The following SLC2A13 variants were observed in gnomAD, a reference collection of about 807,000 sequenced individuals.
The protein encoded by SLC2A13 is proton myo-inositol cotransporter.
Under a neutral mutation model 64.4 loss-of-function variants are expected in SLC2A13, and 32 were observed. The ratio of observed to expected loss-of-function variants is 0.50; its 90% CI spans 0.37 to 0.67. SLC2A13 has a LOEUF of 0.67. SLC2A13 is among the 30% of genes least tolerant of loss of function. The probability of loss-of-function intolerance (pLI) is 0.00; values close to 1 mark genes in which losing one functional copy is unlikely to be tolerated. For synonymous variants in SLC2A13, 338 were observed against 327.1 expected (o/e 1.03, Z -0.36); for missense variants, 743 against 829.2 (o/e 0.90, Z 1.28).
At chr12:39,869,003 G>A (rs6581403) in intron 5 of SLC2A13, among the ~76,000 whole-genome samples, 103,541 of 152,020 alleles carry the variant, frequency 0.68, 35,712 homozygotes, top group African/African-American at 0.77. Context: ...ATAAATCATA[G>A]TAAGAACACA....
At chr12:39,942,724 T>C (rs928136168) in intron 4 of SLC2A13, among the ~76,000 whole-genome samples, 2 of 152,060 alleles carry the variant, frequency 1.3e-5, no homozygotes, top group Admixed American at 6.6e-5. Context: ...CTCGGAGGAG[T>C]TTGTTATTAT....
At position 39,777,019 on chromosome 12, in the gene SLC2A13, T is replaced by C. The variant is rs189766538; in HGVS notation, c.1446-12161A>G. 1.1e-4 allele frequency among the ~76,000 whole-genome samples: 16 copies of C among 152,336 alleles called. No individual in the cohort carries two copies. In the East Asian group the frequency reaches 1.3e-3, roughly 13 times the overall value. On this transcript the variant is annotated intron_variant, in intron 7 of 9. Coordinates refer to ENST00000280871, the MANE Select transcript of SLC2A13 (RefSeq NM_052885.4). Reference sequence around the variant, plus strand: ...CATATAGTTGCTATGGGAGGTAATATATTAATACTTATTCCAACTATGCTG... The same window carrying C: ...CATATAGTTGCTATGGGAGGTAATACATTAATACTTATTCCAACTATGCTG...
chr12:39,862,995 A>T (rs1943801623), intron 6 of SLC2A13, among the ~76,000 whole-genome samples: 1 of 152,164 alleles, frequency 6.6e-6, no homozygotes, highest in Non-Finnish European at 1.5e-5. Context: ...TTACAAAATC[A>T]CTTAGACTAT....
intron 6 of SLC2A13, among the ~76,000 whole-genome samples, chr12:39,845,973 A>G (rs1399997336): frequency 6.6e-6 from 1 of 152,136 alleles, no homozygotes; most frequent in Non-Finnish European, 1.5e-5. Context: ...GATTGTACAG[A>G]TATACTCCAA....
At chr12:40,074,431 C>A (rs1938086788) in intron 1 of SLC2A13, among the ~76,000 whole-genome samples, 1 of 152,048 alleles carries the variant, frequency 6.6e-6, no homozygotes, top group Admixed American at 6.6e-5. Context: ...CCTCCCATAG[C>A]ATTGGGATTA....
intron 4 of SLC2A13, among the ~76,000 whole-genome samples, chr12:39,877,084 T>C (rs1328970913): frequency 6.6e-6 from 1 of 152,194 alleles, no homozygotes; most frequent in African/African-American, 2.4e-5. Flanking sequence ...AGAGGTTCTT[T>C]TAACTAAAAA....
At chr12:39,909,077 T>C (rs1397583034) in intron 4 of SLC2A13, among the ~76,000 whole-genome samples, 1 of 151,976 alleles carries the variant, frequency 6.6e-6, no homozygotes, top group Non-Finnish European at 1.5e-5. Flanking sequence ...TACAGTGACA[T>C]ATATGTATTT....
intron 1 of SLC2A13, among the ~76,000 whole-genome samples, chr12:40,085,320 A>T (rs1026976415): frequency 6.6e-6 from 1 of 152,114 alleles, no homozygotes; most frequent in Non-Finnish European, 1.5e-5. Context: ...TGTTGTAAAA[A>T]CTCCAACTTG....
chr12:40,005,067 C>A (rs978056293), intron 3 of SLC2A13, among the ~76,000 whole-genome samples: 5 of 152,092 alleles, frequency 3.3e-5, no homozygotes, highest in African/African-American at 1.2e-4. Context: ...TACTGCCTAA[C>A]CCTACCTTAT....
chr12:40,002,918 T>C (rs146044118), intron 3 of SLC2A13, among the ~76,000 whole-genome samples: 4 of 151,832 alleles, frequency 2.6e-5, no homozygotes, highest in African/African-American at 9.7e-5. Flanking sequence ...AGTGACATAA[T>C]GATATTTTGT....
rs1555144118 is a variant in SLC2A13, at chr12:39,968,760, G to GTT, written c.926-17396_926-17395insAA. On this transcript the variant is annotated intron_variant, in intron 3 of 9. Transcript: ENST00000280871. ...TTTTTATTTTTGTTGTTTTTTTTTG[G>GTT]TATATATATATATATATATATATAT... is the stretch of plus-strand genomic sequence containing the variant. Among the ~76,000 whole-genome samples, 582 of 59,710 alleles carry GTT rather than the reference G, an allele frequency of 9.7e-3. 33 individuals carry two copies. Among genetic ancestry groups the GTT allele is most frequent in the African/African-American group, 0.012 (269 of 22,990 alleles). The allele number at this position is 59,710 out of a possible 152,430, so 39.2% of individuals were successfully genotyped here. A position where few individuals can be genotyped will look rare whatever the true frequency, so the allele number is the denominator to read the frequency against.
intron 4 of SLC2A13, among the ~76,000 whole-genome samples, chr12:39,926,366 G>A (rs1045484159): frequency 5.3e-5 from 8 of 152,110 alleles, no homozygotes; most frequent in Admixed American, 5.2e-4. Context: ...GTTATCATAT[G>A]TGCCTTCAAG....
chr12:40,030,298 T>TA (rs1255378155), intron 2 of SLC2A13, among the ~76,000 whole-genome samples: 2 of 152,212 alleles, frequency 1.3e-5, no homozygotes, highest in African/African-American at 4.8e-5. Flanking sequence ...CAAAAATATG[T>TA]ACTTCTGGCC....
Position 39,999,907 on chromosome 12 carries a change from C to T in SLC2A13, c.925+28394G>A, listed in dbSNP as rs28365677. Among the ~76,000 whole-genome samples, 329 of 152,332 alleles carry T rather than the reference C, an allele frequency of 2.2e-3. 8 individuals carry two copies. The East Asian group carries it at 0.037, about 17-fold the overall frequency. Reference sequence around the variant, plus strand: ...GGCTTTAAGGCTCAGGTGGGCATCACGGTCCTACCAATATGTGATGTCACC... The same window carrying T: ...GGCTTTAAGGCTCAGGTGGGCATCATGGTCCTACCAATATGTGATGTCACC... On this transcript the variant is annotated intron_variant, in intron 3 of 9. Coordinates refer to ENST00000280871, the MANE Select transcript of SLC2A13 (RefSeq NM_052885.4).
intron 9 of SLC2A13, among the ~76,000 whole-genome samples, chr12:39,763,452 T>G (rs1940237597): frequency 6.6e-6 from 1 of 152,190 alleles, no homozygotes; most frequent in East Asian, 1.9e-4. Context: ...GACAAACACT[T>G]TTTGGTGCTT....
At chr12:40,056,200 G>C (rs1948330962) in intron 1 of SLC2A13, among the ~76,000 whole-genome samples, 1 of 151,504 alleles carries the variant, frequency 6.6e-6, no homozygotes, top group African/African-American at 2.4e-5. Context: ...AGAATGGGAA[G>C]CCTGTAACTT....
intron 7 of SLC2A13, among the ~76,000 whole-genome samples, chr12:39,815,465 C>T (rs1259456349): frequency 6.6e-6 from 1 of 152,184 alleles, no homozygotes; most frequent in Non-Finnish European, 1.5e-5. Flanking sequence ...CTGGAGCATT[C>T]TTTCTTTTCA....
intron 2 of SLC2A13, among the ~76,000 whole-genome samples, chr12:40,035,744 G>T (rs1442090811): frequency 1.3e-5 from 2 of 152,122 alleles, no homozygotes; most frequent in African/African-American, 4.8e-5. Flanking sequence ...TATTAACCCT[G>T]TCTACATAGC....
chr12:39,869,796 T>C lies in SLC2A13; in HGVS notation c.1198+2002A>G, dbSNP rs77237502. ...ATGACGATGGAGGCTGCTTTTGCACTAAGTTTGTTCAAGCAACAAAGGCTC... is the reference window on the plus strand; with the variant it reads ...ATGACGATGGAGGCTGCTTTTGCACCAAGTTTGTTCAAGCAACAAAGGCTC... On this transcript the variant is annotated intron_variant, in intron 5 of 9. Coordinates refer to ENST00000280871, the MANE Select transcript of SLC2A13 (RefSeq NM_052885.4). Among the ~76,000 whole-genome samples, 843 of 152,340 alleles carry C rather than the reference T, an allele frequency of 5.5e-3. 10 individuals are homozygous for C. The highest frequency in any genetic ancestry group is 0.019 in the African/African-American group (801 of 41,582).
Sources: gnomAD v4.1 joint callset for allele counts (sites outside exome capture counted in the v4.1 genomes callset) on GRCh38, gnomAD v4.1.1 for gene constraint, MANE v1.5 for transcripts, NCBI Gene and HGNC (gene_info 2026-07-23, HGNC 2026-07-21) for gene names.